Variants in DOCK3 observed in about 807,000 individuals in gnomAD.
DOCK3 encodes the protein dedicator of cytokinesis protein 3.
A neutral mutation model predicts 265.6 loss-of-function variants in DOCK3; 60 were observed. The observed-to-expected ratio is 0.23, with a 90% confidence interval of 0.18 to 0.28. DOCK3 has a LOEUF of 0.28. DOCK3 is among the 10% of genes least tolerant of loss of function. The probability of loss-of-function intolerance (pLI) is 1.00; values close to 1 mark genes in which losing one functional copy is unlikely to be tolerated. For missense variants in DOCK3, 1,981 were observed against 2,594.3 expected (o/e 0.76, Z 5.14); for synonymous variants, 881 against 938.0 (o/e 0.94, Z 1.11).
chr3:50,792,014 G>A (rs375893968), intron 2 of DOCK3, among the ~76,000 whole-genome samples: 1 of 152,002 alleles, frequency 6.6e-6, no homozygotes, highest in East Asian at 1.9e-4. Context: ...TAGTTTGATA[G>A]GAATAGCATT....
intron 3 of DOCK3, among the ~76,000 whole-genome samples, chr3:50,852,324 T>C (rs2046385139): frequency 6.6e-6 from 1 of 152,372 alleles, no homozygotes; most frequent in East Asian, 1.9e-4. Context: ...TTCTGAATTC[T>C]TCATTCTAAA....
intron 1 of DOCK3, among the ~76,000 whole-genome samples, chr3:50,726,353 T>G (rs912006205): frequency 9.9e-5 from 15 of 152,058 alleles, no homozygotes; most frequent in Non-Finnish European, 1.9e-4. Context: ...AGGGAGAGAC[T>G]GGGGAAGGAG....
At chr3:50,963,391 G>A (rs1439235992) in intron 5 of DOCK3, among the ~76,000 whole-genome samples, 3 of 152,056 alleles carry the variant, frequency 2.0e-5, no homozygotes, top group Middle Eastern at 6.8e-3. Flanking sequence ...TCTTCTTGTG[G>A]TAGCCATTAT....
At chr3:51,145,299 T>C (rs902658270) in intron 9 of DOCK3, among the ~76,000 whole-genome samples, 1 of 152,138 alleles carries the variant, frequency 6.6e-6, no homozygotes, top group Non-Finnish European at 1.5e-5. Flanking sequence ...TACATATGTA[T>C]ACATGTGCCA....
intron 12 of DOCK3, among the ~76,000 whole-genome samples, chr3:51,183,349 A>G (rs1194908358): frequency 6.6e-6 from 1 of 152,082 alleles, no homozygotes; most frequent in African/African-American, 2.4e-5. Flanking sequence ...GTGTGAAGGA[A>G]TGGTGAGATA....
intron 5 of DOCK3, among the ~76,000 whole-genome samples, chr3:51,057,910 T>C (rs1222630564): frequency 1.3e-5 from 2 of 152,216 alleles, no homozygotes; most frequent in African/African-American, 2.4e-5. Flanking sequence ...TGATTTTCTA[T>C]TGAAAAAAAT....
intron 5 of DOCK3, among the ~76,000 whole-genome samples, chr3:51,058,511 T>C (rs2081281376): frequency 6.6e-6 from 1 of 152,230 alleles, no homozygotes; most frequent in African/African-American, 2.4e-5. Flanking sequence ...TATATGTGTA[T>C]TGTGCATTTA....
At chr3:51,378,052 G>A (rs544281885) in intron 51 of DOCK3, among the ~76,000 whole-genome samples, 76 of 152,212 alleles carry the variant, frequency 5.0e-4, no homozygotes, top group Admixed American at 9.2e-4. Context: ...TGGGTGAGTG[G>A]GCCTGTTCTT....
At chr3:51,328,027 T>C (rs1016109708) in intron 32 of DOCK3, among the ~76,000 whole-genome samples, 1 of 152,156 alleles carries the variant, frequency 6.6e-6, no homozygotes, top group African/African-American at 2.4e-5. Flanking sequence ...AACACTTGAA[T>C]AGGTATCAGA....
At position 50,977,991 on chromosome 3, in the gene DOCK3, C is replaced by T. The variant is rs1326951121; in HGVS notation, c.315+43914C>T. On this transcript the variant is annotated intron_variant, in intron 5 of 52. Coordinates refer to ENST00000266037, the MANE Select transcript of DOCK3 (RefSeq NM_004947.5). ...TGTTCTCGAGCCTTGGTTTTCAGCT[C>T]CATCAGCTCCTTTAAGCACTTCTCT... 3.3e-5 allele frequency among the ~76,000 whole-genome samples: 5 copies of T among 152,246 alleles called. 1 individual carries two copies. In the East Asian group the frequency reaches 9.7e-4, roughly 29 times the overall value.
chr3:50,742,972 C>T (rs2039161235), intron 1 of DOCK3, among the ~76,000 whole-genome samples: 1 of 152,112 alleles, frequency 6.6e-6, no homozygotes, highest in Non-Finnish European at 1.5e-5. Flanking sequence ...AAGGGAAGCC[C>T]ATCAGACTAA....
At chr3:50,782,820 C>T (rs1006507175) in intron 2 of DOCK3, among the ~76,000 whole-genome samples, 3 of 151,890 alleles carry the variant, frequency 2.0e-5, no homozygotes, top group Non-Finnish European at 2.9e-5. Context: ...CCCCAAAGTC[C>T]GTTGTATCAT....
intron 5 of DOCK3, among the ~76,000 whole-genome samples, chr3:50,944,587 C>G (rs2076379371): frequency 1.3e-5 from 2 of 152,150 alleles, no homozygotes; most frequent in South Asian, 4.1e-4. Context: ...TACCCAGAAT[C>G]ATCTTTATTC....
At chr3:51,365,741 T>C (rs187906032) in intron 49 of DOCK3, among the ~76,000 whole-genome samples, 1 of 152,352 alleles carries the variant, frequency 6.6e-6, no homozygotes, top group African/African-American at 2.4e-5. Flanking sequence ...TCTATTGAGA[T>C]AGTCATGTGG....
In DOCK3 at chr3:51,383,710, C is replaced by T. The variant is rs556000760; in HGVS notation, c.*2151C>T. 3.1e-4 allele frequency: 48 copies of T among 152,468 alleles called. No individual in the cohort carries two copies. Among genetic ancestry groups the T allele is most frequent in the Non-Finnish European group, 4.4e-4 (30 of 68,034 alleles). 9.4% of individuals were successfully genotyped at this position (152,468 alleles called of 1,614,324 possible). A position where few individuals can be genotyped will look rare whatever the true frequency, so the allele number is the denominator to read the frequency against. On this transcript the variant is annotated 3_prime_UTR_variant, in exon 53 of 53. Transcript: ENST00000266037. Reference sequence around the variant, plus strand: ...CCCTTTTGTTGGAGAATAAGTCAGTCTGAGGGGAAATGGGAGGCCAGAGAT... The same window carrying T: ...CCCTTTTGTTGGAGAATAAGTCAGTTTGAGGGGAAATGGGAGGCCAGAGAT...
At chr3:51,117,036 G>A (rs1365118330) in intron 9 of DOCK3, among the ~76,000 whole-genome samples, 5 of 152,186 alleles carry the variant, frequency 3.3e-5, no homozygotes, top group African/African-American at 9.7e-5. Context: ...TCCTTGTCTT[G>A]TGCCAGTTTT....
intron 1 of DOCK3, among the ~76,000 whole-genome samples, chr3:50,751,940 G>A (rs1383571905): frequency 6.6e-6 from 1 of 152,026 alleles, no homozygotes; most frequent in Non-Finnish European, 1.5e-5. Context: ...CACAAGACCC[G>A]CATGGGGGAA....
intron 49 of DOCK3, among the ~76,000 whole-genome samples, chr3:51,370,422 C>T (rs143757096): frequency 1.8e-4 from 27 of 152,342 alleles, no homozygotes; most frequent in African/African-American, 6.0e-4. Flanking sequence ...TGCACTCTGA[C>T]ATTGGTCAGA....
intron 51 of DOCK3, among the ~76,000 whole-genome samples, chr3:51,376,481 T>C (rs964006174): frequency 2.0e-5 from 3 of 152,318 alleles, no homozygotes; most frequent in African/African-American, 7.2e-5. Flanking sequence ...GTTCTGCTTC[T>C]GCAAGCCGAT....
Sources: gnomAD v4.1 joint callset for allele counts (sites outside exome capture counted in the v4.1 genomes callset) on GRCh38, gnomAD v4.1.1 for gene constraint, MANE v1.5 for transcripts, NCBI Gene and HGNC (gene_info 2026-07-23, HGNC 2026-07-21) for gene names.